Variants in DENND5A observed in about 807,000 individuals in gnomAD.
DENND5A encodes DENN domain-containing protein 5A.
DENND5A carries 64 observed loss-of-function variants against 140.3 expected under a neutral mutation model. That is an observed-to-expected ratio of 0.46 (90% CI 0.37 to 0.56). The LOEUF (loss-of-function observed/expected upper bound fraction) is 0.56, where lower values mean the gene tolerates loss of function less well. Among genes scored for constraint, DENND5A ranks in the 20% least tolerant of loss-of-function variants. DENND5A has a pLI of 0.00. For synonymous variants in DENND5A, 605 were observed against 607.7 expected, an observed-to-expected ratio of 1.00 and a Z score of 0.07; for missense variants, 1,292 against 1,593.8, an observed-to-expected ratio of 0.81 and a Z score of 3.22.
chr11:9,153,007 AAAAC>A (rs1396363035), intron 12 of DENND5A, among the ~76,000 whole-genome samples: 1 of 149,444 alleles, frequency 6.7e-6, no homozygotes, highest in African/African-American at 2.5e-5. Context: ...CAAAAAAAAA[AAAAC>A]AAAAAAGAAA....
At chr11:9,187,799 C>T (rs527369341) in intron 5 of DENND5A, among the ~76,000 whole-genome samples, 7 of 152,334 alleles carry the variant, frequency 4.6e-5, no homozygotes, top group African/African-American at 1.4e-4. Flanking sequence ...AAAGGCAGCT[C>T]AGTACCTTCA....
At chr11:9,244,771 C>A (rs1851393137) in intron 1 of DENND5A, among the ~76,000 whole-genome samples, 1 of 152,122 alleles carries the variant, frequency 6.6e-6, no homozygotes, top group East Asian at 1.9e-4. Context: ...ACTTCCTGGG[C>A]TCAAGCAATC....
intron 8 of DENND5A, chr11:9,171,141 G>A (rs895533752): frequency 3.2e-5 from 7 of 218,734 alleles, no homozygotes; most frequent in Admixed American, 1.0e-4. Flanking sequence ...AAGGTGGCTA[G>A]AGTTCATATG....
intron 11 of DENND5A, 50 bp downstream of exon 11, chr11:9,165,786 C>G: frequency 2.5e-6 from 4 of 1,606,516 alleles, no homozygotes; most frequent in Non-Finnish European, 3.4e-6. Context: ...CTTGGTCTTA[C>G]CTTGGCTGCT....
chr11:9,202,742 G>A (rs1849564164), intron 4 of DENND5A, among the ~76,000 whole-genome samples: 1 of 151,958 alleles, frequency 6.6e-6, no homozygotes, highest in African/African-American at 2.4e-5. Flanking sequence ...CCCAGCTTCT[G>A]GTTCTTGAAT....
intron 12 of DENND5A, among the ~76,000 whole-genome samples, chr11:9,154,305 G>C (rs1847732247): frequency 1.3e-5 from 2 of 152,200 alleles, no homozygotes; most frequent in South Asian, 4.1e-4. Context: ...AGTAAGCAGA[G>C]TGTTGGGATT....
intron 11 of DENND5A, among the ~76,000 whole-genome samples, chr11:9,164,670 A>G (rs1848125566): frequency 1.3e-5 from 2 of 152,182 alleles, no homozygotes; most frequent in South Asian, 4.1e-4. Flanking sequence ...CTTAAACGGA[A>G]TGACACATTT....
intron 9 of DENND5A, chr11:9,170,225 G>A (rs1471838631): frequency 4.2e-6 from 4 of 952,250 alleles, no homozygotes; most frequent in Non-Finnish European, 5.0e-6. Context: ...ACTCTATCTG[G>A]GCTTTGATAC....
At position 9,160,834 on chromosome 11, in the gene DENND5A, C is replaced by G. The variant is rs370563907; in HGVS notation, c.2315G>C (p.Arg772Pro). 6.2e-7 allele frequency: 1 copy of G among 1,614,062 alleles called. No individual in the cohort carries two copies. Among genetic ancestry groups the G allele is most frequent in the South Asian group, 1.1e-5 (1 of 91,066 alleles). Residue 772 changes from arginine (R) to proline (P), a missense_variant, in exon 12 of 23, where the codon CGA becomes CCA. Physicochemically the swap from Arg to Pro is moderately radical, Grantham distance 103. Coordinates refer to ENST00000328194, the MANE Select transcript of DENND5A (RefSeq NM_015213.4). ...CCCATGCCCTAGCTCCACAGCTTCT[C>G]GGCCCATCTTTTCCACCAGCATCCT... ...TKRMLVEKMG[R>P]EAVELGHGEV...
At position 9,181,098 on chromosome 11, in the gene DENND5A, C is replaced by T. The variant is rs766323598; in HGVS notation, c.1138-14G>A. ...GCAGAGGTTAGCCTGGAAGTCAAAA[C>T]AGGATGAGGAGTATGAATAACTCCA... On this transcript the variant is annotated splice_polypyrimidine_tract_variant and intron_variant, in intron 5 of 22. Transcript: ENST00000328194. The T allele has an allele frequency of 6.2e-7, 1 of 1,606,920 alleles. No homozygotes were observed. Among genetic ancestry groups the T allele is most frequent in the East Asian group, 2.2e-5 (1 of 44,790 alleles).
At position 9,145,017 on chromosome 11, in the gene DENND5A, C is replaced by T. The variant is rs1554910078; in HGVS notation, c.3100G>A (p.Glu1034Lys). The T allele has an allele frequency of 6.2e-7, 1 of 1,613,036 alleles. No homozygotes were observed. The highest frequency in any genetic ancestry group is 1.3e-5 in the African/African-American group (1 of 74,884). ...WLVEYVMVRN[E>K]ITGHTYKFPC... The stretch of plus-strand genomic sequence containing the variant: ...TACTTGTAGGTATGTCCTGTGATCT[C>T]ATTCCTGACCATCACATACTCCACC... The change falls in exon 18 of 23, where the codon GAG becomes AAG. Residue 1034 changes from glutamate to lysine, a missense_variant. This residue lies in a region of DENND5A where 498 missense variants were observed against 689.7 expected (regional missense o/e 0.72). Transcript: ENST00000328194.
intron 12 of DENND5A, among the ~76,000 whole-genome samples, chr11:9,157,012 C>A (rs560589466): frequency 1.3e-5 from 2 of 151,966 alleles, no homozygotes; most frequent in African/African-American, 4.8e-5. Context: ...TATAATGATA[C>A]GATACTATTT....
chr11:9,233,906 A>T (rs546940321), intron 1 of DENND5A, among the ~76,000 whole-genome samples: 1 of 152,150 alleles, frequency 6.6e-6, no homozygotes. Context: ...GGCTGGGTGC[A>T]GTGGCTCAGG....
At chr11:9,200,256 G>C (rs1849479046) in intron 4 of DENND5A, among the ~76,000 whole-genome samples, 1 of 152,080 alleles carries the variant, frequency 6.6e-6, no homozygotes, top group Non-Finnish European at 1.5e-5. Context: ...CCTCCTCTCT[G>C]TTCTGTTCTA....
chr11:9,264,364 C>T (rs1357005540), intron 1 of DENND5A, among the ~76,000 whole-genome samples: 3 of 152,084 alleles, frequency 2.0e-5, no homozygotes, highest in Non-Finnish European at 4.4e-5. Context: ...GGCATGGCCC[C>T]GGGATACAAG....
intron 1 of DENND5A, among the ~76,000 whole-genome samples, chr11:9,228,265 C>G (rs931494647): frequency 6.6e-6 from 1 of 151,972 alleles, no homozygotes; most frequent in Non-Finnish European, 1.5e-5. Context: ...GGCTTAATAC[C>G]TACTAAATAG....
intron 12 of DENND5A, among the ~76,000 whole-genome samples, chr11:9,159,321 C>CTTT (rs59379591): frequency 7.3e-6 from 1 of 136,840 alleles, no homozygotes. Flanking sequence ...ACTTTTTTTT[C>CTTT]TTTTTTTTTT....
intron 5 of DENND5A, among the ~76,000 whole-genome samples, chr11:9,184,065 CA>C (rs1848822910): frequency 6.6e-6 from 1 of 150,676 alleles, no homozygotes; most frequent in Non-Finnish European, 1.5e-5. Flanking sequence ...AAAAAAAAGA[CA>C]TTTGGGCCGG....
intron 1 of DENND5A, among the ~76,000 whole-genome samples, chr11:9,227,899 G>T (rs1850597787): frequency 2.0e-5 from 3 of 151,966 alleles, no homozygotes; most frequent in African/African-American, 7.3e-5. Flanking sequence ...GAATCACGAG[G>T]TCAGGGGTTC....
Sources: gnomAD v4.1 joint callset for allele counts (sites outside exome capture counted in the v4.1 genomes callset) on GRCh38, gnomAD v4.1.1 for gene constraint, gnomAD v4.1.1 regional missense constraint, MANE v1.5 for transcripts, NCBI Gene and HGNC (gene_info 2026-07-23, HGNC 2026-07-21) for gene names.